PARP8: variants seen among roughly 807,000 people sequenced by gnomAD.
PARP8 encodes poly(ADP-ribose) polymerase family member 8.
Under a neutral mutation model 124.1 loss-of-function variants are expected in PARP8, and 51 were observed. The observed-to-expected ratio is 0.41, with a 90% CI of 0.33 to 0.52. PARP8 has a LOEUF of 0.52. PARP8 is among the 20% of genes least tolerant of loss of function. The pLI, the probability that PARP8 is intolerant of heterozygous loss-of-function variation, is 0.21. For synonymous variants in PARP8, 391 were observed against 361.5 expected, an observed-to-expected ratio of 1.08 and a Z score of -0.93; for missense variants, 860 against 1,018.9, an observed-to-expected ratio of 0.84 and a Z score of 2.12.
At chr5:50,670,999 C>A (rs1749946207) in intron 2 of PARP8, among the ~76,000 whole-genome samples, 1 of 152,196 alleles carries the variant, frequency 6.6e-6, no homozygotes, top group African/African-American at 2.4e-5. Context: ...TTCCCAGACT[C>A]CTTGGAATAG....
intron 2 of PARP8, among the ~76,000 whole-genome samples, chr5:50,686,069 G>C (rs754286482): frequency 4.6e-5 from 7 of 152,160 alleles, no homozygotes; most frequent in Non-Finnish European, 5.9e-5. Flanking sequence ...ACTCATTTCA[G>C]CATTAACTCA....
chr5:50,825,120 T>A, intron 18 of PARP8, 145 bp downstream of exon 18: 1 of 676,340 alleles, frequency 1.5e-6, no homozygotes, highest in South Asian at 1.9e-5. Flanking sequence ...ACCTGGTGAT[T>A]TTACAACCTT....
intron 10 of PARP8, among the ~76,000 whole-genome samples, chr5:50,788,853 G>T (rs1055019838): frequency 6.6e-6 from 1 of 152,126 alleles, no homozygotes; most frequent in Non-Finnish European, 1.5e-5. Context: ...TGGGGAGGCT[G>T]ACCTGTGTGG....
At position 50,846,254 on chromosome 5, in the gene PARP8, A is replaced by G. The variant is rs1748604375; in HGVS notation, c.*4186A>G. The G allele has an allele frequency of 6.6e-6, 1 of 151,762 alleles. No homozygotes were observed. The highest frequency in any genetic ancestry group is 2.4e-5 in the African/African-American group (1 of 41,400). The allele number at this position is 151,762 out of a possible 1,614,324, so 9.4% of individuals were successfully genotyped here. On this transcript the variant is annotated 3_prime_UTR_variant, in exon 26 of 26. Coordinates refer to ENST00000281631, the MANE Select transcript of PARP8 (RefSeq NM_024615.4). ...TCTTTAACTATACAGCCTCTTTACA[A>G]TAAATTTCTTGATTTTTGTGCACAG...
chr5:50,820,888 C>T (rs1483180492), intron 15 of PARP8, among the ~76,000 whole-genome samples: 1 of 152,216 alleles, frequency 6.6e-6, no homozygotes, highest in Non-Finnish European at 1.5e-5. Flanking sequence ...ATCTTCTCCC[C>T]TAGACTATCA....
chr5:50,795,167 C>T lies in PARP8; in HGVS notation c.1178C>T (p.Pro393Leu). 6.2e-7 allele frequency: 1 copy of T among 1,614,148 alleles called. No individual in the cohort carries two copies. The highest frequency in any genetic ancestry group is 8.5e-7 in the Non-Finnish European group (1 of 1,180,032). ...TTGACTCGATCTTGTTCTGGAGATC[C>T]ACGATGTGAGCACAACACAAACTTG... ...RLLTRSCSGDPRCEHNTNLKP... is the reference protein window; with the variant it reads ...RLLTRSCSGDLRCEHNTNLKP... Residue 393 changes from proline (P) to leucine (L), a missense_variant, in exon 12 of 26, where the codon CCA (proline) becomes CTA (leucine). Transcript: ENST00000281631.
At chr5:50,736,329 T>A (rs1247848548) in intron 2 of PARP8, among the ~76,000 whole-genome samples, 1 of 152,168 alleles carries the variant, frequency 6.6e-6, no homozygotes, top group Non-Finnish European at 1.5e-5. Context: ...ATATCTCTTT[T>A]AGTGGCTGCA....
chr5:50,828,807 C>T (rs775152906), intron 21 of PARP8, among the ~76,000 whole-genome samples: 5 of 151,546 alleles, frequency 3.3e-5, no homozygotes, highest in Non-Finnish European at 7.4e-5. Context: ...ATAATTTGAA[C>T]CCGGGAGGTG....
intron 2 of PARP8, among the ~76,000 whole-genome samples, chr5:50,701,839 A>G (rs1460479969): frequency 6.6e-6 from 1 of 152,132 alleles, no homozygotes; most frequent in Non-Finnish European, 1.5e-5. Flanking sequence ...AAGCATTTAG[A>G]AATTCTTCGT....
intron 2 of PARP8, among the ~76,000 whole-genome samples, chr5:50,731,071 T>G (rs113229788): frequency 2.0e-5 from 3 of 152,290 alleles, no homozygotes; most frequent in African/African-American, 7.2e-5. Context: ...AGAGGCTGAG[T>G]GACTTAGAGG....
chr5:50,811,080 A>G (rs1277075112), intron 14 of PARP8, among the ~76,000 whole-genome samples: 1 of 152,066 alleles, frequency 6.6e-6, no homozygotes, highest in Non-Finnish European at 1.5e-5. Flanking sequence ...TTGGAGTAGC[A>G]GAATATACCT....
chr5:50,700,729 T>C (rs921896392), intron 2 of PARP8, among the ~76,000 whole-genome samples: 2 of 152,208 alleles, frequency 1.3e-5, no homozygotes, highest in African/African-American at 4.8e-5. Flanking sequence ...ATATTTGTGT[T>C]GGGGCATAAT....
At chr5:50,785,356 TTC>T (rs1365438376) in intron 9 of PARP8, among the ~76,000 whole-genome samples, 2 of 152,170 alleles carry the variant, frequency 1.3e-5, no homozygotes, top group East Asian at 3.8e-4. Flanking sequence ...TAACCCTTCT[TTC>T]TCTCTTTCTA....
intron 14 of PARP8, among the ~76,000 whole-genome samples, chr5:50,804,168 C>A (rs1161301061): frequency 1.3e-5 from 2 of 152,118 alleles, no homozygotes; most frequent in Non-Finnish European, 2.9e-5. Context: ...TTGTTTGCCT[C>A]AGTTGTTATC....
intron 14 of PARP8, among the ~76,000 whole-genome samples, chr5:50,807,661 A>G (rs1744006645): frequency 6.6e-6 from 1 of 152,024 alleles, no homozygotes; most frequent in South Asian, 2.1e-4. Flanking sequence ...TCAATCGTGG[A>G]TTGGTATAAT....
intron 2 of PARP8, among the ~76,000 whole-genome samples, chr5:50,677,395 T>G (rs558134998): frequency 3.3e-5 from 5 of 152,304 alleles, no homozygotes; most frequent in Non-Finnish European, 7.4e-5. Context: ...TGAAATGATT[T>G]CTGTAGTTAA....
chr5:50,690,495 C>T (rs1307860606), intron 2 of PARP8, among the ~76,000 whole-genome samples: 1 of 152,156 alleles, frequency 6.6e-6, no homozygotes, highest in Non-Finnish European at 1.5e-5. Context: ...ATTCTCCCTC[C>T]TTTTTTGAGG....
chr5:50,813,135 CA>C (rs1744669722), intron 14 of PARP8, among the ~76,000 whole-genome samples: 1 of 152,150 alleles, frequency 6.6e-6, no homozygotes, highest in Non-Finnish European at 1.5e-5. Flanking sequence ...TGAAGAAAGT[CA>C]TTGGTAGCTT....
chr5:50,668,010 C>T, intron 1 of PARP8, 61 bp from the exon 2 acceptor site: 2 of 1,610,592 alleles, frequency 1.2e-6, no homozygotes, highest in Non-Finnish European at 1.7e-6. Flanking sequence ...GGCTCAAGTC[C>T]TGATCGGGGT....
Sources: allele counts gnomAD v4.1 joint callset (sites outside exome capture counted in the v4.1 genomes callset), GRCh38; gene constraint gnomAD v4.1.1; transcripts MANE v1.5; gene names NCBI Gene and HGNC (gene_info 2026-07-23, HGNC 2026-07-21).